The following CCSER1 variants were observed in gnomAD, a reference collection of about 807,000 sequenced individuals.
CCSER1 encodes the protein coiled-coil serine rich protein 1, also known as serine-rich coiled-coil domain-containing protein 1.
A neutral mutation model predicts 82.0 loss-of-function variants in CCSER1; 41 were observed. The ratio of observed to expected loss-of-function variants is 0.50; its 90% CI spans 0.39 to 0.65. The LOEUF (loss-of-function observed/expected upper bound fraction) is 0.65. Among genes scored for constraint, CCSER1 ranks in the 30% least tolerant of loss-of-function variants. The pLI is 0.00. For missense variants in CCSER1, 1,119 were observed against 1,064.2 expected (o/e 1.05, Z -0.72); for synonymous variants, 414 against 383.9 (o/e 1.08, Z -0.92).
At chr4:90,139,718 G>A (rs555030172) in intron 1 of CCSER1, among the ~76,000 whole-genome samples, 46 of 152,120 alleles carry the variant, frequency 3.0e-4, no homozygotes, top group African/African-American at 9.2e-4. Flanking sequence ...TTTGGAAGGC[G>A]GATGCGGGCA....
intron 6 of CCSER1, chr4:90,663,757 G>A (rs1731226671): frequency 5.9e-6 from 1 of 169,876 alleles, no homozygotes; most frequent in Admixed American, 6.1e-5. Context: ...ATTTCCCATT[G>A]CAATATTGTA....
chr4:91,243,689 G>A (rs1482700981), intron 10 of CCSER1, among the ~76,000 whole-genome samples: 1 of 152,148 alleles, frequency 6.6e-6, no homozygotes, highest in Non-Finnish European at 1.5e-5. Flanking sequence ...CTGCTTTGAA[G>A]GGAAGAACCC....
At chr4:90,260,955 A>T (rs970435752) in intron 1 of CCSER1, among the ~76,000 whole-genome samples, 1 of 152,068 alleles carries the variant, frequency 6.6e-6, no homozygotes, top group Non-Finnish European at 1.5e-5. Flanking sequence ...ACCTCAAGTG[A>T]TCTGCTTGCC....
At chr4:90,610,110 G>A (rs1011146922) in intron 5 of CCSER1, among the ~76,000 whole-genome samples, 4 of 151,886 alleles carry the variant, frequency 2.6e-5, no homozygotes, top group Admixed American at 1.3e-4. Context: ...AAAATTAGCC[G>A]GGCGTGGTGG....
chr4:91,439,505 C>T (rs539101229), intron 10 of CCSER1, among the ~76,000 whole-genome samples: 9 of 152,082 alleles, frequency 5.9e-5, no homozygotes, highest in Admixed American at 2.6e-4. Flanking sequence ...AAGGAACAAC[C>T]AGTACCAGCC....
At chr4:90,352,348 A>G (rs1431924389) in intron 3 of CCSER1, among the ~76,000 whole-genome samples, 1 of 149,306 alleles carries the variant, frequency 6.7e-6, no homozygotes, top group African/African-American at 2.6e-5. Flanking sequence ...CCAAAAAAAC[A>G]AAACAAAACA....
At chr4:90,226,670 C>A (rs1743217520) in intron 1 of CCSER1, among the ~76,000 whole-genome samples, 1 of 152,234 alleles carries the variant, frequency 6.6e-6, no homozygotes, top group African/African-American at 2.4e-5. Flanking sequence ...AGGTGCTTCA[C>A]AAAGGGGCTT....
chr4:91,292,347 A>C (rs2149220693), intron 10 of CCSER1, among the ~76,000 whole-genome samples: 1 of 152,162 alleles, frequency 6.6e-6, no homozygotes, highest in South Asian at 2.1e-4. Flanking sequence ...ATTTTAAGGC[A>C]AAAGACACTG....
chr4:90,847,891 C>A (rs1763404128), intron 8 of CCSER1, among the ~76,000 whole-genome samples: 1 of 151,800 alleles, frequency 6.6e-6, no homozygotes, highest in Non-Finnish European at 1.5e-5. Context: ...TTCTTTTTCT[C>A]TTGTTCTTTT....
At chr4:90,593,847 G>A (rs1046683427) in intron 5 of CCSER1, among the ~76,000 whole-genome samples, 2 of 151,792 alleles carry the variant, frequency 1.3e-5, no homozygotes, top group Non-Finnish European at 2.9e-5. Flanking sequence ...TTATTCTACA[G>A]GACTAAGAGC....
At chr4:91,132,466 G>C (rs1047087234) in intron 10 of CCSER1, among the ~76,000 whole-genome samples, 8 of 152,178 alleles carry the variant, frequency 5.3e-5, no homozygotes, top group African/African-American at 7.2e-5. Context: ...CTGGACCCCA[G>C]ATTTATTTCA....
intron 8 of CCSER1, among the ~76,000 whole-genome samples, chr4:90,863,115 G>A (rs1328099151): frequency 6.7e-6 from 1 of 149,042 alleles, no homozygotes; most frequent in Non-Finnish European, 1.5e-5. Flanking sequence ...ACAGTCCCCA[G>A]AGTGTGATGT....
At chr4:90,967,310 G>A (rs575609476) in intron 9 of CCSER1, among the ~76,000 whole-genome samples, 7 of 151,936 alleles carry the variant, frequency 4.6e-5, no homozygotes, top group African/African-American at 1.2e-4. Flanking sequence ...TTAGCTGGGC[G>A]TGGTGGAGTG....
chr4:90,672,125 T>A (rs191325961), intron 6 of CCSER1, among the ~76,000 whole-genome samples: 31 of 152,048 alleles, frequency 2.0e-4, no homozygotes, highest in African/African-American at 7.5e-4. Context: ...CCCTAGAACT[T>A]TAAGAAGGGT....
chr4:90,308,186 A>T (rs1734647743), intron 1 of CCSER1, 58 bp from the exon 2 acceptor site: 1 of 1,245,340 alleles, frequency 8.0e-7, no homozygotes, highest in Non-Finnish European at 1.1e-6. Context: ...TTGTTTTAAA[A>T]TGTATTATTT....
At chr4:90,898,043 T>C (rs1240647749) in intron 8 of CCSER1, among the ~76,000 whole-genome samples, 1 of 151,976 alleles carries the variant, frequency 6.6e-6, no homozygotes, top group Non-Finnish European at 1.5e-5. Context: ...GCAAATATTT[T>C]CTCCCATTCT....
chr4:90,208,551 T>TG (rs1739358312), intron 1 of CCSER1, among the ~76,000 whole-genome samples: 1 of 151,664 alleles, frequency 6.6e-6, no homozygotes, highest in South Asian at 2.1e-4. Context: ...CACTGGGGTA[T>TG]GAAAAAAAAC....
chr4:90,554,449 C>T (rs2153643663), intron 5 of CCSER1, among the ~76,000 whole-genome samples: 1 of 152,278 alleles, frequency 6.6e-6, no homozygotes, highest in East Asian at 1.9e-4. Flanking sequence ...ATTCAATTTA[C>T]CTTTAAATAC....
intron 7 of CCSER1, among the ~76,000 whole-genome samples, chr4:90,786,338 G>C (rs985889600): frequency 6.6e-6 from 1 of 151,968 alleles, no homozygotes; most frequent in African/African-American, 2.4e-5. Context: ...TTCTTTTTTG[G>C]TCTGAATATT....
Sources: gnomAD v4.1 joint callset for allele counts (sites outside exome capture counted in the v4.1 genomes callset) on GRCh38, gnomAD v4.1.1 for gene constraint, MANE v1.5 for transcripts, NCBI Gene and HGNC (gene_info 2026-07-23, HGNC 2026-07-21) for gene names.